DIAPH3: variants seen among roughly 807,000 people sequenced by gnomAD.
The protein encoded by DIAPH3 is protein diaphanous homolog 3.
DIAPH3 carries 117 observed loss-of-function variants against 144.3 expected under a neutral mutation model. The observed-to-expected ratio is 0.81, with a 90% CI of 0.70 to 0.95. DIAPH3 has a LOEUF of 0.95. Among genes scored for constraint, DIAPH3 ranks in the 40% least tolerant of loss-of-function variants. The probability of loss-of-function intolerance (pLI) is 0.00; values close to 1 mark genes in which losing one functional copy is unlikely to be tolerated. For synonymous variants in DIAPH3, 519 were observed against 488.9 expected, an observed-to-expected ratio of 1.06 and a Z score of -0.81; for missense variants, 1,421 against 1,412.7, an observed-to-expected ratio of 1.01 and a Z score of -0.09.
At chr13:59,964,488 C>T (rs942346813) in intron 17 of DIAPH3, among the ~76,000 whole-genome samples, 1 of 151,944 alleles carries the variant, frequency 6.6e-6, no homozygotes, top group African/African-American at 2.4e-5. Flanking sequence ...GTATACTGTA[C>T]AGATGTTACA....
At chr13:59,796,750 C>A (rs1024278753) in intron 25 of DIAPH3, among the ~76,000 whole-genome samples, 14 of 152,188 alleles carry the variant, frequency 9.2e-5, no homozygotes, top group East Asian at 1.9e-4. Context: ...GGGAAAAAAA[C>A]CATACTGTAT....
intron 5 of DIAPH3, among the ~76,000 whole-genome samples, chr13:60,022,058 AC>A (rs1289804468): frequency 1.3e-5 from 2 of 152,236 alleles, no homozygotes; most frequent in Non-Finnish European, 2.9e-5. Context: ...TTCTACAAGT[AC>A]ATTGCTAGTA....
intron 2 of DIAPH3, among the ~76,000 whole-genome samples, chr13:60,113,541 C>T (rs2058625888): frequency 6.6e-6 from 1 of 152,168 alleles, no homozygotes; most frequent in Admixed American, 6.5e-5. Context: ...CATTAAAGTA[C>T]TAAGAATACG....
chr13:59,753,977 C>T (rs559828625), intron 27 of DIAPH3, among the ~76,000 whole-genome samples: 5 of 152,220 alleles, frequency 3.3e-5, no homozygotes. Context: ...TCATCTAGGC[C>T]ATCTCCAGCC....
At chr13:59,943,648 TAAGATGTG>T (rs1316409406) in intron 17 of DIAPH3, among the ~76,000 whole-genome samples, 1 of 152,136 alleles carries the variant, frequency 6.6e-6, no homozygotes, top group African/African-American at 2.4e-5. Context: ...ATTGGAACAA[TAAGATGTG>T]AAGATGTGAA....
At chr13:59,930,893 C>T (rs1258248953) in intron 17 of DIAPH3, among the ~76,000 whole-genome samples, 2 of 152,192 alleles carry the variant, frequency 1.3e-5, no homozygotes, top group African/African-American at 4.8e-5. Flanking sequence ...TGGATGAGTT[C>T]CAAAAGTTGA....
intron 4 of DIAPH3, among the ~76,000 whole-genome samples, chr13:60,056,815 T>G (rs939440996): frequency 1.4e-4 from 22 of 152,022 alleles, no homozygotes; most frequent in Admixed American, 1.2e-3. Flanking sequence ...AGTTACTACT[T>G]AAACCATATG....
intron 1 of DIAPH3, among the ~76,000 whole-genome samples, chr13:60,135,003 T>G (rs2059233739): frequency 6.6e-6 from 1 of 151,986 alleles, no homozygotes; most frequent in African/African-American, 2.4e-5. Flanking sequence ...ATTTATGATC[T>G]AAAAACTACA....
chr13:59,939,709 G>C (rs1460285131), intron 17 of DIAPH3, among the ~76,000 whole-genome samples: 1 of 152,094 alleles, frequency 6.6e-6, no homozygotes, highest in Admixed American at 6.6e-5. Context: ...CAATGAAATG[G>C]CTCTTTATCT....
chr13:60,148,493 C>G (rs1311822940), intron 1 of DIAPH3, among the ~76,000 whole-genome samples: 2 of 152,176 alleles, frequency 1.3e-5, no homozygotes, highest in Non-Finnish European at 2.9e-5. Flanking sequence ...ACATTTCCAT[C>G]ATTTCAGAAA....
At chr13:59,853,742 T>C (rs1043736430) in intron 22 of DIAPH3, among the ~76,000 whole-genome samples, 2 of 152,202 alleles carry the variant, frequency 1.3e-5, no homozygotes, top group Admixed American at 1.3e-4. Flanking sequence ...ACTGGTTTAG[T>C]ATTTTCACAC....
chr13:59,833,334 T>G, intron 23 of DIAPH3, 63 bp from the exon 24 acceptor site: 1 of 1,328,896 alleles, frequency 7.5e-7, no homozygotes, highest in Non-Finnish European at 1.0e-6. Context: ...GGGGGAACTC[T>G]GTAAATCCAA....
intron 27 of DIAPH3, among the ~76,000 whole-genome samples, chr13:59,692,424 G>A (rs1469651268): frequency 5.7e-5 from 2 of 34,854 alleles, no homozygotes; most frequent in African/African-American, 2.3e-4. Flanking sequence ...CCCATCCCCC[G>A]ACACCAAATA....
chr13:59,803,244 T>C (rs951601954), intron 25 of DIAPH3, among the ~76,000 whole-genome samples: 1 of 152,164 alleles, frequency 6.6e-6, no homozygotes. Context: ...CCCTAGAATA[T>C]GAACAGGGTG....
At chr13:60,069,132 C>G (rs1167782050) in intron 4 of DIAPH3, among the ~76,000 whole-genome samples, 2 of 152,138 alleles carry the variant, frequency 1.3e-5, no homozygotes, top group Non-Finnish European at 1.5e-5. Context: ...TTCTTCACAA[C>G]CTCGCCAGCA....
At chr13:59,780,459 G>T (rs1453673409) in intron 25 of DIAPH3, among the ~76,000 whole-genome samples, 2 of 152,138 alleles carry the variant, frequency 1.3e-5, no homozygotes, top group African/African-American at 4.8e-5. Flanking sequence ...TCTTAGAGTA[G>T]AATTCAATTT....
intron 27 of DIAPH3, chr13:59,695,239 A>T (rs2033736929): frequency 6.6e-6 from 1 of 152,234 alleles, no homozygotes; most frequent in South Asian, 2.1e-4. Flanking sequence ...TCCTGGTTGT[A>T]GCTGATATTT....
At chr13:59,669,258 T>C (rs1385996499) in intron 27 of DIAPH3, among the ~76,000 whole-genome samples, 1 of 152,222 alleles carries the variant, frequency 6.6e-6, no homozygotes, top group African/African-American at 2.4e-5. Flanking sequence ...ATTTCTTTCC[T>C]GGTCTCACTT....
chr13:59,861,295 G>C, intron 22 of DIAPH3, 112 bp downstream of exon 22: 1 of 1,579,636 alleles, frequency 6.3e-7, no homozygotes, highest in Non-Finnish European at 8.6e-7. Context: ...TGAGATATTG[G>C]GTATGAAAAC....
Sources: allele counts gnomAD v4.1 joint callset (sites outside exome capture counted in the v4.1 genomes callset), GRCh38; gene constraint gnomAD v4.1.1; transcripts MANE v1.5; gene names NCBI Gene and HGNC (gene_info 2026-07-23, HGNC 2026-07-21).